Variants in SH3KBP1 observed in about 807,000 individuals in gnomAD.
SH3KBP1 encodes the protein SH3 domain containing kinase binding protein 1.
Under a neutral mutation model 50.1 loss-of-function variants are expected in SH3KBP1, and 8 were observed. The ratio of observed to expected loss-of-function variants is 0.16; its 90% CI spans 0.09 to 0.29. SH3KBP1 has a LOEUF of 0.29. SH3KBP1 is among the 10% of genes least tolerant of loss of function. The pLI, the probability that SH3KBP1 is intolerant of heterozygous loss-of-function variation, is 1.00. For synonymous variants in SH3KBP1, 227 were observed against 218.6 expected (o/e 1.04, Z -0.34); for missense variants, 377 against 535.2 (o/e 0.70, Z 2.92).
chrX:19,793,625 T>C (rs2066613216), intron 2 of SH3KBP1, among the ~76,000 whole-genome samples: 1 of 111,410 alleles, frequency 9.0e-6, no homozygotes, highest in African/African-American at 3.3e-5. Flanking sequence ...TCTAGGGTAG[T>C]AGTTGGCCAA....
chrX:19,790,658 T>G (rs1471835053), intron 2 of SH3KBP1, among the ~76,000 whole-genome samples: 1 of 111,067 alleles, frequency 9.0e-6, no homozygotes, highest in Non-Finnish European at 1.9e-5. Flanking sequence ...AAAGTCATCT[T>G]GGAGTGGGAG....
At chrX:19,775,741 C>T (rs191168916) in intron 2 of SH3KBP1, among the ~76,000 whole-genome samples, 1 of 111,465 alleles carries the variant, frequency 9.0e-6, no homozygotes, top group Admixed American at 9.6e-5. Context: ...AGAGACTTAC[C>T]CCTATTCATG....
At chrX:19,760,041 C>CCTCTCTCTCTCTCTCTCTCTCTCTCT (rs745515349) in intron 2 of SH3KBP1, among the ~76,000 whole-genome samples, 19 of 50,443 alleles carry the variant, frequency 3.8e-4, no homozygotes, top group East Asian at 5.3e-4. Flanking sequence ...TCTCTCTCTC[C>CCTCTCTCTCTCTCTCTCTCTCTCTCT]CTCTCTCTCT....
chrX:19,846,323 T>G (rs1316733485), intron 1 of SH3KBP1, among the ~76,000 whole-genome samples: 1 of 112,653 alleles, frequency 8.9e-6, no homozygotes, highest in Non-Finnish European at 1.9e-5. Context: ...GTGCTGGGAT[T>G]ACGGGCATGA....
intron 3 of SH3KBP1, among the ~76,000 whole-genome samples, chrX:19,745,605 C>A (rs2064896951): frequency 8.9e-6 from 1 of 112,074 alleles, no homozygotes; most frequent in African/African-American, 3.2e-5. Context: ...TACAGGCATG[C>A]TCAGCATGTG....
intron 8 of SH3KBP1, among the ~76,000 whole-genome samples, chrX:19,623,100 T>C (rs1408959524): frequency 9.5e-6 from 1 of 105,771 alleles, no homozygotes; most frequent in Non-Finnish European, 2.0e-5. Flanking sequence ...TACATTAGGA[T>C]TCAGGATGCT....
chrX:19,772,677 A>C lies in SH3KBP1; in HGVS notation c.163-26236T>G, dbSNP rs1036937143. Among the ~76,000 whole-genome samples, 4 of 111,586 alleles carry C rather than the reference A, an allele frequency of 3.6e-5. No individual in the cohort carries two copies. In the East Asian group the frequency reaches 8.4e-4, roughly 23 times the overall value. On this transcript the variant is annotated intron_variant, in intron 2 of 17. Coordinates refer to ENST00000397821, the MANE Select transcript of SH3KBP1 (RefSeq NM_031892.3). ...AAAGGAAGCATTCAGAATTCTAGGA[A>C]TATCCCATGGAGATGGGCGAGGACA...
chrX:19,781,995 C>T (rs931074471), intron 2 of SH3KBP1, among the ~76,000 whole-genome samples: 4 of 111,672 alleles, frequency 3.6e-5, no homozygotes, highest in African/African-American at 1.3e-4. Flanking sequence ...GCTACTCCTA[C>T]TGTGGTAAAT....
intron 2 of SH3KBP1, among the ~76,000 whole-genome samples, chrX:19,829,228 A>G (rs76137106): frequency 8.9e-6 from 1 of 112,380 alleles, no homozygotes. Context: ...TCATAATGGG[A>G]TACTACACAG....
chrX:19,560,253 G>C (rs1223610063), intron 13 of SH3KBP1, among the ~76,000 whole-genome samples: 1 of 110,078 alleles, frequency 9.1e-6, no homozygotes, highest in African/African-American at 3.3e-5. Flanking sequence ...TCTTATAAAG[G>C]GCCAAATTAT....
chrX:19,551,204 T>C (rs914442574), intron 13 of SH3KBP1, among the ~76,000 whole-genome samples: 1 of 111,994 alleles, frequency 8.9e-6, no homozygotes, highest in East Asian at 2.8e-4. Context: ...TTAAGTGACA[T>C]TATCCTAGCA....
chrX:19,790,961 T>C (rs2066511529), intron 2 of SH3KBP1, among the ~76,000 whole-genome samples: 1 of 111,005 alleles, frequency 9.0e-6, no homozygotes, highest in African/African-American at 3.3e-5. Context: ...CTCCCAACTT[T>C]ATATGCATAT....
chrX:19,700,534 C>T (rs2063515158), intron 4 of SH3KBP1, among the ~76,000 whole-genome samples: 1 of 112,251 alleles, frequency 8.9e-6, no homozygotes, highest in Admixed American at 9.4e-5. Context: ...AATCTGATTT[C>T]TATCACCTTT....
At chrX:19,606,299 G>C (rs967793833) in intron 9 of SH3KBP1, among the ~76,000 whole-genome samples, 4 of 112,210 alleles carry the variant, frequency 3.6e-5, no homozygotes, top group Admixed American at 9.4e-5. Flanking sequence ...GACAGAACCA[G>C]GATTCAAACC....
chrX:19,717,274 TGTTTG>T (rs2063936708), intron 3 of SH3KBP1, among the ~76,000 whole-genome samples: 1 of 112,073 alleles, frequency 8.9e-6, no homozygotes, highest in Non-Finnish European at 1.9e-5. Context: ...GCTCAGTGTC[TGTTTG>T]AGTAGACACT....
At chrX:19,675,207 G>C (rs2062897764) in intron 6 of SH3KBP1, among the ~76,000 whole-genome samples, 1 of 111,374 alleles carries the variant, frequency 9.0e-6, no homozygotes, top group Non-Finnish European at 1.9e-5. Flanking sequence ...TTAATCAAGT[G>C]ATTACTATGT....
chrX:19,696,277 T>A (rs776619179), intron 4 of SH3KBP1, among the ~76,000 whole-genome samples: 7 of 112,440 alleles, frequency 6.2e-5, no homozygotes, highest in Admixed American at 3.8e-4. Context: ...TCAATATAAA[T>A]CATTCCCTTT....
At position 19,535,148 on chromosome X, in the gene SH3KBP1, T is replaced by C. The variant is rs2064675240; in HGVS notation, c.*1269A>G. The C allele has an allele frequency of 3.4e-6, 1 of 293,659 alleles. No individual in the cohort carries two copies. The highest frequency in any genetic ancestry group is 5.9e-6 in the Non-Finnish European group (1 of 168,242). The allele number at this position is 293,659 out of a possible 1,213,427, so 24.2% of individuals were successfully genotyped here. ...AGCTAAGGATGAGAAAACAGTTACATAGTCTAAGGCTGAACTGTTCATGTA... is the reference window on the plus strand; with the variant it reads ...AGCTAAGGATGAGAAAACAGTTACACAGTCTAAGGCTGAACTGTTCATGTA... On this transcript the variant is annotated 3_prime_UTR_variant, in exon 18 of 18. Transcript: ENST00000397821.
intron 13 of SH3KBP1, among the ~76,000 whole-genome samples, chrX:19,567,316 C>T (rs1453286804): frequency 1.9e-5 from 2 of 104,605 alleles, no homozygotes; most frequent in African/African-American, 7.0e-5. Context: ...CCTAGGAGTT[C>T]GAGACTAGCC....
Sources: allele counts gnomAD v4.1 joint callset (sites outside exome capture counted in the v4.1 genomes callset), GRCh38; gene constraint gnomAD v4.1.1; transcripts MANE v1.5; gene names NCBI Gene and HGNC (gene_info 2026-07-23, HGNC 2026-07-21).